The following ANKRD44 variants were observed in gnomAD, a reference collection of about 807,000 sequenced individuals.
The protein encoded by ANKRD44 is serine/threonine-protein phosphatase 6 regulatory ankyrin repeat subunit B.
ANKRD44 carries 35 observed loss-of-function variants against 116.0 expected under a neutral mutation model. That is an observed-to-expected ratio of 0.30 (90% confidence interval 0.23 to 0.40). The LOEUF is 0.40. Ranked by LOEUF, ANKRD44 falls within the 10% of genes least tolerant of loss-of-function variation. The probability of loss-of-function intolerance (pLI) is 1.00; values close to 1 mark genes in which losing one functional copy is unlikely to be tolerated. For missense variants in ANKRD44, 1,014 were observed against 1,242.6 expected, an observed-to-expected ratio of 0.82 and a Z score of 2.77; for synonymous variants, 435 against 461.8, an observed-to-expected ratio of 0.94 and a Z score of 0.74.
chr2:197,122,646 T>C lies in ANKRD44; in HGVS notation c.693+4A>G. On this transcript the variant is annotated splice_donor_region_variant and intron_variant, in intron 7 of 27. Coordinates refer to ENST00000282272, the MANE Select transcript of ANKRD44 (RefSeq NM_001195144.2). ...CATGCATTGATGCATTCATCATAGC[T>C]CACCTCCACCCCCAGGTTCAGGAGA... 1.2e-6 allele frequency: 2 copies of C among 1,613,220 alleles called. No homozygotes were observed. The highest frequency in any genetic ancestry group is 1.7e-6 in the Non-Finnish European group (2 of 1,179,638).
chr2:197,066,025 A>G (rs963527340), intron 16 of ANKRD44, among the ~76,000 whole-genome samples: 3 of 152,350 alleles, frequency 2.0e-5, no homozygotes, highest in African/African-American at 4.8e-5. Flanking sequence ...ACAAACATCA[A>G]TGTAAAAATC....
Position 197,122,695 on chromosome 2 carries a change from A to G in ANKRD44, c.648T>C (p.Asn216=). 6.2e-7 allele frequency: 1 copy of G among 1,614,228 alleles called. No individual in the cohort carries two copies. The highest frequency in any genetic ancestry group is 8.5e-7 in the Non-Finnish European group (1 of 1,180,032). The part of the protein sequence containing the change: ...GYTPLHAAAS[N]GQINVVKHLL... ...GATGCTTGACAACATTAATCTGTCC[A>G]TTGGAGGCTGCAGCATGCAGAGGGG... The change falls in exon 7 of 28, where the codon AAT becomes AAC. Residue 216 remains asparagine, a synonymous_variant. Transcript: ENST00000282272.
chr2:197,226,915 A>G (rs2081731236), intron 1 of ANKRD44, among the ~76,000 whole-genome samples: 1 of 152,126 alleles, frequency 6.6e-6, no homozygotes, highest in Non-Finnish European at 1.5e-5. Flanking sequence ...ATTTGATTCC[A>G]AAAAGGGACC....
intron 1 of ANKRD44, among the ~76,000 whole-genome samples, chr2:197,195,758 A>C (rs549448616): frequency 6.5e-4 from 99 of 152,360 alleles, no homozygotes; most frequent in Admixed American, 5.7e-3. Flanking sequence ...TTGATCGCTG[A>C]ATTTAAATCA....
intron 23 of ANKRD44, among the ~76,000 whole-genome samples, chr2:196,999,516 C>T (rs1338635286): frequency 6.6e-6 from 1 of 152,014 alleles, no homozygotes; most frequent in Non-Finnish European, 1.5e-5. Flanking sequence ...AAGAAATCCA[C>T]TTCTAGGTAT....
At chr2:197,258,078 A>C (rs929433326) in intron 1 of ANKRD44, among the ~76,000 whole-genome samples, 5 of 150,980 alleles carry the variant, frequency 3.3e-5, no homozygotes, top group African/African-American at 1.2e-4. Context: ...CTTCCTTTTT[A>C]TTTTTTCTTT....
chr2:197,068,589 CAA>C (rs1255380173), intron 16 of ANKRD44, among the ~76,000 whole-genome samples: 1 of 151,782 alleles, frequency 6.6e-6, no homozygotes, highest in African/African-American at 2.4e-5. Context: ...CCAGAATCTA[CAA>C]AGAACTTAAA....
chr2:197,011,573 A>G (rs1310393293), intron 18 of ANKRD44, among the ~76,000 whole-genome samples: 1 of 151,774 alleles, frequency 6.6e-6, no homozygotes, highest in Non-Finnish European at 1.5e-5. Context: ...CCTGGGTTCA[A>G]GCGATTCTCC....
intron 18 of ANKRD44, among the ~76,000 whole-genome samples, chr2:197,011,039 C>T (rs1392709792): frequency 1.3e-5 from 2 of 152,106 alleles, no homozygotes; most frequent in Non-Finnish European, 2.9e-5. Context: ...TTATGTATCT[C>T]GGGAGGAAAT....
At chr2:197,068,477 C>T (rs1347988856) in intron 16 of ANKRD44, among the ~76,000 whole-genome samples, 1 of 148,772 alleles carries the variant, frequency 6.7e-6, no homozygotes, top group Non-Finnish European at 1.5e-5. Flanking sequence ...TCTAATTAAA[C>T]TAAAGAGCTT....
chr2:197,224,245 A>G (rs538317360), intron 1 of ANKRD44, among the ~76,000 whole-genome samples: 9 of 152,366 alleles, frequency 5.9e-5, no homozygotes, highest in African/African-American at 2.2e-4. Context: ...AGACACTCAG[A>G]TTAAAAAAGT....
chr2:197,218,000 G>A (rs1158769677), intron 1 of ANKRD44, among the ~76,000 whole-genome samples: 2 of 152,166 alleles, frequency 1.3e-5, no homozygotes, highest in African/African-American at 4.8e-5. Flanking sequence ...ATGGGCAATA[G>A]TGCTAGTATT....
intron 1 of ANKRD44, among the ~76,000 whole-genome samples, chr2:197,246,679 C>T: frequency 6.6e-6 from 1 of 152,128 alleles, no homozygotes; most frequent in Non-Finnish European, 1.5e-5. Flanking sequence ...TCCTGACACA[C>T]ATTTTCTACA....
chr2:197,210,776 C>T (rs1574280734), intron 1 of ANKRD44, among the ~76,000 whole-genome samples: 2 of 152,138 alleles, frequency 1.3e-5, no homozygotes, highest in East Asian at 1.9e-4. Context: ...TGGAGAGAGG[C>T]AGCTTCAAAG....
intron 1 of ANKRD44, among the ~76,000 whole-genome samples, chr2:197,291,488 C>T (rs2083567968): frequency 6.6e-6 from 1 of 151,960 alleles, no homozygotes; most frequent in Admixed American, 6.6e-5. Flanking sequence ...CCAGCCTGGG[C>T]AACAGAGCAA....
intron 2 of ANKRD44, among the ~76,000 whole-genome samples, chr2:197,172,187 GA>G (rs1376746058): frequency 6.6e-6 from 1 of 151,932 alleles, no homozygotes; most frequent in Admixed American, 6.6e-5. Flanking sequence ...TTTTAGTAGA[GA>G]GGGGGGCTTC....
At chr2:197,153,743 T>G (rs962224925) in intron 2 of ANKRD44, among the ~76,000 whole-genome samples, 4 of 152,160 alleles carry the variant, frequency 2.6e-5, no homozygotes, top group African/African-American at 9.7e-5. Flanking sequence ...AGAACTCTAG[T>G]TTAAAAAAAT....
intron 6 of ANKRD44, among the ~76,000 whole-genome samples, chr2:197,123,473 A>C (rs2078904712): frequency 6.6e-6 from 1 of 152,166 alleles, no homozygotes; most frequent in South Asian, 2.1e-4. Context: ...TCTACTAAAA[A>C]TACAAAACTT....
chr2:197,201,222 A>C lies in ANKRD44; in HGVS notation c.28-14116T>G, dbSNP rs539637540. Among the ~76,000 whole-genome samples, 1 of 152,298 alleles carries C rather than the reference A, an allele frequency of 6.6e-6. No homozygotes were observed. Among genetic ancestry groups the C allele is most frequent in the South Asian group, 2.1e-4 (1 of 4,822 alleles). On this transcript the variant is annotated intron_variant, in intron 1 of 27. Transcript: ENST00000282272. The surrounding 1 kb of genome is among the most constrained non-coding windows in gnomAD (Gnocchi z 4.0). ...TTTAAACATTAGGAAAACAAGATGC[A>C]CTCCCAGAATGTTCATGTGAAGGGC...
Sources: gnomAD v4.1 joint callset for allele counts (sites outside exome capture counted in the v4.1 genomes callset) on GRCh38, gnomAD v4.1.1 for gene constraint, Gnocchi (gnomAD v3.1) non-coding constraint, MANE v1.5 for transcripts, NCBI Gene and HGNC (gene_info 2026-07-23, HGNC 2026-07-21) for gene names.